The following YEATS2 variants were observed in gnomAD, a reference collection of about 807,000 sequenced individuals.
The protein encoded by YEATS2 is YEATS domain containing 2.
A neutral mutation model predicts 163.2 loss-of-function variants in YEATS2; 77 were observed. That is an observed-to-expected ratio of 0.47 (90% CI 0.39 to 0.57). The LOEUF (loss-of-function observed/expected upper bound fraction) is 0.57. Among genes scored for constraint, YEATS2 ranks in the 20% least tolerant of loss-of-function variants. The probability of loss-of-function intolerance (pLI) is 0.00; values close to 1 mark genes in which losing one functional copy is unlikely to be tolerated. For missense variants in YEATS2, 1,549 were observed against 1,729.8 expected (o/e 0.90, Z 1.85); for synonymous variants, 631 against 645.1 (o/e 0.98, Z 0.33).
At chr3:183,720,968 T>C (rs768369273) in intron 4 of YEATS2, among the ~76,000 whole-genome samples, 43 of 152,212 alleles carry the variant, frequency 2.8e-4, no homozygotes, top group Non-Finnish European at 5.3e-4. Flanking sequence ...TTCCCTCTTC[T>C]TATAAGCGAG....
chr3:183,701,643 T>C (rs953320667), intron 1 of YEATS2, among the ~76,000 whole-genome samples: 1 of 151,628 alleles, frequency 6.6e-6, no homozygotes, highest in Non-Finnish European at 1.5e-5. Flanking sequence ...ATCCTCCTGC[T>C]TTGGCCTCCC....
chr3:183,745,772 T>C (rs930697606), intron 8 of YEATS2, among the ~76,000 whole-genome samples: 3 of 152,168 alleles, frequency 2.0e-5, no homozygotes, highest in Non-Finnish European at 4.4e-5. Context: ...GCCAACACAT[T>C]GATCCATTTA....
In YEATS2 at chr3:183,807,103, T is replaced by C. The variant is rs1328904259; in HGVS notation, c.4011+11T>C. 1 of 1,608,346 alleles carries C rather than the reference T, an allele frequency of 6.2e-7. No individual in the cohort carries two copies. Among genetic ancestry groups the C allele is most frequent in the Non-Finnish European group, 8.5e-7 (1 of 1,177,310 alleles). ...GATGTCACACAGAAGGTAGGGGTTG[T>C]GGTGTTAATAGTTCATGCAGCAGAC... On this transcript the variant is annotated intron_variant, in intron 28 of 30. Transcript: ENST00000305135.
At chr3:183,766,989 T>TA (rs974727006) in intron 15 of YEATS2, among the ~76,000 whole-genome samples, 1 of 152,126 alleles carries the variant, frequency 6.6e-6, no homozygotes, top group East Asian at 1.9e-4. Flanking sequence ...TATGTTGTTT[T>TA]AAAAAAATAA....
At chr3:183,782,224 C>G (rs1376275751) in intron 19 of YEATS2, among the ~76,000 whole-genome samples, 1 of 152,090 alleles carries the variant, frequency 6.6e-6, no homozygotes, top group Non-Finnish European at 1.5e-5. Flanking sequence ...ATTCTCCTGC[C>G]TCAGCCTCCC....
Position 183,761,618 on chromosome 3 carries a change from A to T in YEATS2, c.1764+4A>T. ...AGGACTTGGAGCTTTCACAAAAGTG[A>T]GTATGTATTAGGGCATTGTCCCACA... On this transcript the variant is annotated splice_donor_region_variant and intron_variant, in intron 14 of 30. Transcript: ENST00000305135. 1 of 1,612,084 alleles carries T rather than the reference A, an allele frequency of 6.2e-7. No homozygotes were observed. Among genetic ancestry groups the T allele is most frequent in the Non-Finnish European group, 8.5e-7 (1 of 1,178,118 alleles).
intron 9 of YEATS2, among the ~76,000 whole-genome samples, chr3:183,750,085 A>G (rs1412667051): frequency 1.3e-5 from 2 of 151,924 alleles, no homozygotes; most frequent in African/African-American, 2.4e-5. Context: ...CGGCCTCCCA[A>G]AGTGCTGGGA....
chr3:183,722,278 CT>C lies in YEATS2; in HGVS notation c.537+170del, dbSNP rs200048624. On this transcript the variant is annotated intron_variant, in intron 5 of 30. Coordinates refer to ENST00000305135, the MANE Select transcript of YEATS2 (RefSeq NM_018023.5). Reference sequence around the variant, plus strand: ...TCCTTTTATAATGGGGAAACCAAATCTTTTTTTTTTTTTTTTTTTTTTTTTT... The same window carrying C: ...TCCTTTTATAATGGGGAAACCAAATCTTTTTTTTTTTTTTTTTTTTTTTTT... 2,724 of 309,088 alleles carry C rather than the reference CT, an allele frequency of 8.8e-3. 1 individual carries two copies. Among genetic ancestry groups the C allele is most frequent in the South Asian group, 0.015 (400 of 27,524 alleles). The allele number at this position is 309,088 out of a possible 1,614,324, so 19.1% of individuals were successfully genotyped here.
chr3:183,773,678 C>A lies in YEATS2; in HGVS notation c.2252C>A (p.Ala751Glu). 1 of 1,611,524 alleles carries A rather than the reference C, an allele frequency of 6.2e-7. No homozygotes were observed. The highest frequency in any genetic ancestry group is 8.5e-7 in the Non-Finnish European group (1 of 1,179,242). The change falls in exon 17 of 31, where the codon GCA becomes GAA. Residue 751 changes from alanine to glutamate, a missense_variant. Physicochemically the swap from Ala to Glu is moderately radical, Grantham distance 107 (BLOSUM62 -1). Coordinates refer to ENST00000305135, the MANE Select transcript of YEATS2 (RefSeq NM_018023.5). The part of the protein sequence containing the change: ...QLPATNLANL[A>E]NLPPGTKLYL... The stretch of plus-strand genomic sequence containing the variant: ...CCAGCCACTAATTTGGCCAACTTGG[C>A]AAATTTGCCTCCTGGCACTAAACTC...
At chr3:183,795,980 G>GTT (rs11287278) in intron 21 of YEATS2, among the ~76,000 whole-genome samples, 2 of 80,428 alleles carry the variant, frequency 2.5e-5, no homozygotes, top group African/African-American at 4.9e-5. Context: ...TTGATGCTGG[G>GTT]TTTTTTTTTT....
At chr3:183,728,602 T>G in intron 6 of YEATS2, 88 bp from the exon 7 acceptor site, 1 of 1,271,218 alleles carries the variant, frequency 7.9e-7, no homozygotes, top group Non-Finnish European at 1.1e-6. Flanking sequence ...AATTTTAACC[T>G]TGTTTTTAAG....
intron 5 of YEATS2, among the ~76,000 whole-genome samples, chr3:183,722,444 A>G (rs932707537): frequency 4.3e-4 from 66 of 151,870 alleles, no homozygotes; most frequent in African/African-American, 1.5e-3. Context: ...GTGTGCCACC[A>G]CGCCCGGCTA....
At chr3:183,761,286 C>T (rs997482498) in intron 13 of YEATS2, among the ~76,000 whole-genome samples, 2 of 152,040 alleles carry the variant, frequency 1.3e-5, no homozygotes, top group African/African-American at 2.4e-5. Context: ...AGGGTTTCTC[C>T]GTGTTGGTCA....
intron 5 of YEATS2, among the ~76,000 whole-genome samples, chr3:183,723,359 A>G (rs1488219914): frequency 6.6e-6 from 1 of 152,346 alleles, no homozygotes; most frequent in East Asian, 1.9e-4. Context: ...AAAATTTCCA[A>G]GTTACTTTCC....
intron 6 of YEATS2, among the ~76,000 whole-genome samples, chr3:183,726,689 GCTAT>G (rs1717134189): frequency 6.6e-6 from 1 of 152,042 alleles, no homozygotes; most frequent in Admixed American, 6.5e-5. Flanking sequence ...TTCCCTCTAT[GCTAT>G]CTCTTTGTGA....
rs777788259 is a variant in YEATS2, at chr3:183,773,811, G to T, written c.2368+17G>T. On this transcript the variant is annotated intron_variant, in intron 17 of 30. Coordinates refer to ENST00000305135, the MANE Select transcript of YEATS2 (RefSeq NM_018023.5). The stretch of plus-strand genomic sequence containing the variant: ...ACAATGCTAGTTAGTGAAACCATTG[G>T]GTTGAATCATTTGGTTCTTGGTTCT... The T allele has an allele frequency of 3.8e-6, 6 of 1,591,590 alleles. No individual in the cohort carries two copies. The highest frequency in any genetic ancestry group is 2.3e-5 in the East Asian group (1 of 44,140).
intron 6 of YEATS2, among the ~76,000 whole-genome samples, chr3:183,728,091 G>A (rs934454941): frequency 6.6e-6 from 1 of 151,818 alleles, no homozygotes; most frequent in Non-Finnish European, 1.5e-5. Context: ...TTGAGGTAGG[G>A]TCTTGCTTTG....
intron 26 of YEATS2, 41 bp downstream of exon 26, chr3:183,803,376 AC>A: frequency 1.9e-6 from 3 of 1,553,542 alleles, no homozygotes; most frequent in Non-Finnish European, 2.6e-6. Context: ...GCCTCCAGAA[AC>A]CTTGTCTTAT....
rs763233807 is a variant in YEATS2, at chr3:183,754,163, G to A, written c.1188G>A (p.Pro396=). The A allele has an allele frequency of 2.5e-6, 4 of 1,609,370 alleles. No individual in the cohort carries two copies. The highest frequency in any genetic ancestry group is 1.1e-5 in the South Asian group (1 of 90,716). Residue 396 remains proline (P), a synonymous_variant, in exon 11 of 31, where the codon CCG becomes CCA. Transcript: ENST00000305135. ...GCACTGAAGCTGAACGACACACTCC[G>A]TTTTATGCTTTGCCATCTTCATTGG... is the stretch of plus-strand genomic sequence containing the variant. ...PASTEAERHT[P]FYALPSSLER...
Sources: allele counts gnomAD v4.1 joint callset (sites outside exome capture counted in the v4.1 genomes callset), GRCh38; gene constraint gnomAD v4.1.1; transcripts MANE v1.5; gene names NCBI Gene and HGNC (gene_info 2026-07-23, HGNC 2026-07-21).